Variants in DST observed in about 807,000 individuals in gnomAD.
The protein encoded by DST is bullous pemphigoid antigen.
In DST, 253 loss-of-function variants were observed where a neutral mutation model predicts 875.2. The observed-to-expected ratio is 0.29, with a 90% CI of 0.26 to 0.32. DST has a LOEUF of 0.32. Ranked by LOEUF, DST falls within the 10% of genes least tolerant of loss-of-function variation. The probability of loss-of-function intolerance (pLI) is 1.00; values close to 1 mark genes in which losing one functional copy is unlikely to be tolerated. For synonymous variants in DST, 3,124 were observed against 3,197.1 expected (o/e 0.98, Z 0.77); for missense variants, 8,287 against 9,111.6 (o/e 0.91, Z 3.68).
chr6:56,581,130 AG>A (rs1282251310), intron 49 of DST, among the ~76,000 whole-genome samples: 11 of 151,686 alleles, frequency 7.3e-5, no homozygotes, highest in Admixed American at 3.3e-4. Context: ...ATGATTTCAA[AG>A]TGCTTTTGGG....
chr6:56,517,421 T>G (rs2096616136), intron 70 of DST, 80 bp downstream of exon 70: 5 of 1,596,132 alleles, frequency 3.1e-6, no homozygotes, highest in Non-Finnish European at 4.3e-6. Flanking sequence ...TCTTAAAAAG[T>G]AAATCATACA....
At position 56,581,051 on chromosome 6, in the gene DST, T is replaced by TAA. The variant is rs771314105; in HGVS notation, c.12904-2116_12904-2115dup. Among the ~76,000 whole-genome samples the TAA allele has an allele frequency of 2.3e-4, 21 of 90,688 alleles. No individual in the cohort carries two copies. In the East Asian group the frequency reaches 3.5e-3, roughly 15 times the overall value. 59.5% of individuals were successfully genotyped at this position (90,688 alleles called of 152,430 possible). ...CTCCCAGCCAATTAGTGGCATTTAT[T>TAA]AAAAAAAAAAAAAAAAAAAAAAAAA... On this transcript the variant is annotated intron_variant, in intron 49 of 103. Coordinates refer to ENST00000680361, the MANE Select transcript of DST (RefSeq NM_001374736.1).
intron 69 of DST, among the ~76,000 whole-genome samples, chr6:56,520,401 G>A (rs1166884818): frequency 1.3e-5 from 2 of 152,036 alleles, no homozygotes; most frequent in South Asian, 2.1e-4. Flanking sequence ...AGTTACGGAG[G>A]GTAGGGTGGG....
chr6:56,599,268 G>T (rs1425185660), intron 45 of DST, among the ~76,000 whole-genome samples: 1 of 151,782 alleles, frequency 6.6e-6, no homozygotes, highest in Non-Finnish European at 1.5e-5. Context: ...TTTCCATGTA[G>T]TTTTTCCTCT....
At chr6:56,694,038 C>CATAT (rs558152876) in intron 9 of DST, among the ~76,000 whole-genome samples, 8 of 146,798 alleles carry the variant, frequency 5.4e-5, no homozygotes, top group African/African-American at 1.7e-4. Context: ...TATGTGCATT[C>CATAT]ATATATATAT....
intron 4 of DST, among the ~76,000 whole-genome samples, chr6:56,799,773 C>A (rs1249392998): frequency 1.3e-5 from 2 of 151,980 alleles, no homozygotes; most frequent in Non-Finnish European, 2.9e-5. Context: ...AGGCACGCAC[C>A]ACCATGCCCA....
chr6:56,714,493 T>C lies in DST; in HGVS notation c.688-10124A>G, dbSNP rs576201336. Among the ~76,000 whole-genome samples the C allele has an allele frequency of 2.5e-4, 38 of 152,202 alleles. No homozygotes were observed. Among genetic ancestry groups the C allele is most frequent in the Non-Finnish European group, 5.0e-4 (34 of 68,032 alleles). On this transcript the variant is annotated intron_variant, in intron 5 of 103. Coordinates refer to ENST00000680361, the MANE Select transcript of DST (RefSeq NM_001374736.1). This position sits in a 1 kb window ranked among gnomAD's most constrained non-coding sequence, Gnocchi z 4.5. The stretch of plus-strand genomic sequence containing the variant: ...AGAAGAGGTACTGCACTGATGTCTC[T>C]TACTAAAGCTGAAATCTAAGTGGAA...
At chr6:56,702,777 G>C (rs1012328142) in intron 7 of DST, among the ~76,000 whole-genome samples, 10 of 152,086 alleles carry the variant, frequency 6.6e-5, no homozygotes, top group African/African-American at 2.4e-4. Flanking sequence ...ACAAAAAATG[G>C]AGCTGAAATT....
intron 4 of DST, among the ~76,000 whole-genome samples, chr6:56,754,334 C>T (rs773685848): frequency 7.2e-5 from 11 of 152,166 alleles, no homozygotes; most frequent in Admixed American, 2.0e-4. Flanking sequence ...TGAATTTATA[C>T]AATTTTTCTA....
chr6:56,580,767 CTG>C (rs1349613429), intron 49 of DST, among the ~76,000 whole-genome samples: 1 of 139,150 alleles, frequency 7.2e-6, no homozygotes, highest in African/African-American at 2.7e-5. Context: ...GCGTCTCACT[CTG>C]TTGCCCAGGC....
intron 2 of DST, among the ~76,000 whole-genome samples, chr6:56,900,946 T>G (rs1592255729): frequency 2.0e-5 from 3 of 151,100 alleles, no homozygotes; most frequent in African/African-American, 7.3e-5. Flanking sequence ...AGGGAGACTG[T>G]GAAGAAGGGC....
chr6:56,698,444 G>A (rs1300202053), intron 9 of DST, among the ~76,000 whole-genome samples: 8 of 151,822 alleles, frequency 5.3e-5, no homozygotes, highest in Non-Finnish European at 1.0e-4. Flanking sequence ...TCCCACCTCA[G>A]CCTCCCGAGT....
intron 4 of DST, among the ~76,000 whole-genome samples, chr6:56,784,995 A>G (rs940519165): frequency 5.9e-5 from 9 of 152,220 alleles, no homozygotes; most frequent in African/African-American, 1.9e-4. Flanking sequence ...GGTCCACTCC[A>G]GACCCTGTTT....
At chr6:56,494,284 C>T (rs1158821077) in intron 82 of DST, 104 bp from the exon 83 acceptor site, 8 of 1,097,564 alleles carry the variant, frequency 7.3e-6, no homozygotes, top group Non-Finnish European at 1.0e-5. Flanking sequence ...ATATTCATCT[C>T]TGTTTGCTCT....
At chr6:56,566,129 G>T (rs2097672193) in intron 55 of DST, among the ~76,000 whole-genome samples, 1 of 152,136 alleles carries the variant, frequency 6.6e-6, no homozygotes, top group African/African-American at 2.4e-5. Flanking sequence ...TAGCTTGCTG[G>T]GCTCCGTAGG....
intron 90 of DST, among the ~76,000 whole-genome samples, chr6:56,481,341 CA>C (rs1001639489): frequency 5.9e-5 from 9 of 152,110 alleles, no homozygotes; most frequent in Non-Finnish European, 1.0e-4. Flanking sequence ...CTTTTTGAGT[CA>C]AAGGTTAAAA....
At chr6:56,588,956 C>T (rs563322677) in intron 49 of DST, among the ~76,000 whole-genome samples, 34 of 152,216 alleles carry the variant, frequency 2.2e-4, no homozygotes, top group African/African-American at 8.2e-4. Flanking sequence ...AAGACATGAA[C>T]TTTTTACCTG....
intron 3 of DST, among the ~76,000 whole-genome samples, chr6:56,869,092 T>C (rs985350629): frequency 3.9e-5 from 6 of 152,166 alleles, no homozygotes; most frequent in African/African-American, 1.4e-4. Context: ...TTTAAAAAAC[T>C]TTTGGTGGCT....
At chr6:56,793,361 G>GT (rs1471780083) in intron 4 of DST, among the ~76,000 whole-genome samples, 1 of 151,986 alleles carries the variant, frequency 6.6e-6, no homozygotes, top group African/African-American at 2.4e-5. Flanking sequence ...AATTTTAATG[G>GT]TTCAGTAAAA....
Sources: gnomAD v4.1 joint callset for allele counts (sites outside exome capture counted in the v4.1 genomes callset) on GRCh38, gnomAD v4.1.1 for gene constraint, Gnocchi (gnomAD v3.1) non-coding constraint, MANE v1.5 for transcripts, NCBI Gene and HGNC (gene_info 2026-07-23, HGNC 2026-07-21) for gene names.